The following COMP variants were observed in gnomAD, a reference collection of about 807,000 sequenced individuals.
COMP encodes cartilage oligomeric matrix protein (pseudoachondroplasia, epiphyseal dysplasia 1, multiple).
A neutral mutation model predicts 95.8 loss-of-function variants in COMP; 79 were observed. That is an observed-to-expected ratio of 0.82 (90% CI 0.69 to 0.99). COMP has a LOEUF of 0.99. Ranked by LOEUF, COMP falls within the 50% of genes least tolerant of loss-of-function variation. The pLI is 0.00. For missense variants in COMP, 906 were observed against 1,076.1 expected, an observed-to-expected ratio of 0.84 and a Z score of 2.21; for synonymous variants, 438 against 433.9, an observed-to-expected ratio of 1.01 and a Z score of -0.12.
Position 18,784,891 on chromosome 19 carries a change from G to A in COMP, c.1914+5C>T. On this transcript the variant is annotated splice_donor_5th_base_variant and intron_variant, in intron 16 of 18. Coordinates refer to ENST00000222271, the MANE Select transcript of COMP (RefSeq NM_000095.3). This position sits in a 1 kb window ranked among gnomAD's most constrained non-coding sequence, Gnocchi z 4.9. ...GCAGAGGTCAGGCACGGACGGCCCT[G>A]GCACCTTGAGTTGGATGCCAGGCTC... 6.2e-7 allele frequency: 1 copy of A among 1,613,664 alleles called. No individual in the cohort carries two copies. Among genetic ancestry groups the A allele is most frequent in the Non-Finnish European group, 8.5e-7 (1 of 1,179,948 alleles).
chr19:18,788,872 G>A lies in COMP; in HGVS notation c.570C>T (p.Asn190=). 1 of 1,614,004 alleles carries A rather than the reference G, an allele frequency of 6.2e-7. No individual in the cohort carries two copies. Among genetic ancestry groups the A allele is most frequent in the Non-Finnish European group, 8.5e-7 (1 of 1,180,000 alleles). ...TGATGCACACGGAGTTGGGGACGCA[G>A]TTATGTTGCCCGGTCTCACACTCGT... ...DINECETGQH[N]CVPNSVCINT... The change falls in exon 6 of 19, where the codon AAC becomes AAT. Residue 190 remains asparagine, a synonymous_variant. Transcript: ENST00000222271. The surrounding 1 kb of genome is among the most constrained non-coding windows in gnomAD (Gnocchi z 4.7).
chr19:18,788,761 G>A lies in COMP; in HGVS notation c.604-11C>T, dbSNP rs1421364257. On this transcript the variant is annotated splice_polypyrimidine_tract_variant and intron_variant, in intron 6 of 18. Transcript: ENST00000222271. This position sits in a 1 kb window ranked among gnomAD's most constrained non-coding sequence, Gnocchi z 4.7. ...GCACTGGAAGGAGCCCTGCGCCGGA[G>A]CCGCCGGAGGTCAGCGCAGGCCGCC... 6.3e-7 allele frequency: 1 copy of A among 1,587,970 alleles called. No homozygotes were observed. Among genetic ancestry groups the A allele is most frequent in the South Asian group, 1.1e-5 (1 of 88,454 alleles).
intron 17 of COMP, 85 bp from the exon 18 acceptor site, chr19:18,783,278 G>C: frequency 6.4e-7 from 1 of 1,554,036 alleles, no homozygotes; most frequent in African/African-American, 1.4e-5. Flanking sequence ...TGGAAGATGG[G>C]TACCCCTGAC....
rs2055188781 is a variant in COMP, at chr19:18,788,735, C to T, written c.619G>A (p.Gly207Ser). Residue 207 changes from glycine to serine, a missense_variant, in exon 7 of 19, where the codon GGC becomes AGC. By Grantham distance (56) the Gly-to-Ser change is moderately conservative. Transcript: ENST00000222271. This position sits in a 1 kb window ranked among gnomAD's most constrained non-coding sequence, Gnocchi z 4.7. ...CCCACGAAGCCGGGCTGGCACGGGC[C>T]GCACTGGAAGGAGCCCTGCGCCGGA... Reference protein sequence around the residue: ...CINTRGSFQCGPCQPGFVGDQ... With the variant: ...CINTRGSFQCSPCQPGFVGDQ... 4 of 1,555,454 alleles carry T rather than the reference C, an allele frequency of 2.6e-6. No homozygotes were observed. Among genetic ancestry groups the T allele is most frequent in the Non-Finnish European group, 3.5e-6 (4 of 1,150,420 alleles).
intron 15 of COMP, 38 bp downstream of exon 15, chr19:18,785,460 C>G (rs911339664): frequency 3.7e-6 from 6 of 1,611,936 alleles, no homozygotes; most frequent in South Asian, 1.1e-5. Flanking sequence ...TCCCTGAGCC[C>G]GCTCCGTGGC....
chr19:18,784,884 C>A lies in COMP; in HGVS notation c.1914+12G>T. 4.3e-6 allele frequency: 7 copies of A among 1,613,316 alleles called. No homozygotes were observed. The highest frequency in any genetic ancestry group is 5.9e-6 in the Non-Finnish European group (7 of 1,179,916). On this transcript the variant is annotated intron_variant, in intron 16 of 18. Coordinates refer to ENST00000222271, the MANE Select transcript of COMP (RefSeq NM_000095.3). The surrounding 1 kb of genome is among the most constrained non-coding windows in gnomAD (Gnocchi z 4.9). ...GAGGACCGCAGAGGTCAGGCACGGA[C>A]GGCCCTGGCACCTTGAGTTGGATGC...
rs927696355 is a variant in COMP, at chr19:18,789,045, C to A, written c.528+115G>T. On this transcript the variant is annotated intron_variant, in intron 5 of 18. Coordinates refer to ENST00000222271, the MANE Select transcript of COMP (RefSeq NM_000095.3). This position sits in a 1 kb window ranked among gnomAD's most constrained non-coding sequence, Gnocchi z 6.1. The stretch of plus-strand genomic sequence containing the variant: ...AACCGATCAGCCCTGGCGCAGCGGA[C>A]CCCTCCTCTCCCCACCCCTCCCGCT... 6.5e-6 allele frequency: 10 copies of A among 1,534,014 alleles called. No individual in the cohort carries two copies. Among genetic ancestry groups the A allele is most frequent in the South Asian group, 1.2e-5 (1 of 85,336 alleles).
Position 18,786,020 on chromosome 19 carries a change from A to C in COMP, c.1434T>G (p.Pro478=). 6.2e-7 allele frequency: 1 copy of C among 1,613,326 alleles called. No individual in the cohort carries two copies. Among genetic ancestry groups the C allele is most frequent in the Non-Finnish European group, 8.5e-7 (1 of 1,179,946 alleles). ...CDDDDDNDGV[P]DSRDNCRLVP... is the part of the protein sequence containing the mutation. ...CCAGGCGGCAGTTGTCCCGACTGTC[A>C]GGGACTCCGTCATTGTCGTCGTCGT... is the stretch of plus-strand genomic sequence containing the variant. The change falls in exon 13 of 19, where the codon CCT becomes CCG. Residue 478 remains proline (P), a synonymous_variant. Transcript: ENST00000222271.
In COMP at chr19:18,782,780, A is replaced by T; in HGVS notation, c.*135T>A. The T allele has an allele frequency of 9.8e-7, 1 of 1,022,500 alleles. No homozygotes were observed. Among genetic ancestry groups the T allele is most frequent in the Non-Finnish European group, 1.5e-6 (1 of 679,214 alleles). 63.3% of individuals were successfully genotyped at this position (1,022,500 alleles called of 1,614,324 possible). A position where few individuals can be genotyped will look rare whatever the true frequency, so the allele number is the denominator to read the frequency against. On this transcript the variant is annotated 3_prime_UTR_variant, in exon 19 of 19. Transcript: ENST00000222271. ...AAAAACCACAGCCGCCACTCCCTGC[A>T]CACACACTTTATTTTGTCCTCTCTG...
In COMP at chr19:18,789,437, G is replaced by A. The variant is rs1237389125; in HGVS notation, c.391-140C>T. The A allele has an allele frequency of 5.0e-6, 5 of 994,620 alleles. No individual in the cohort carries two copies. The highest frequency in any genetic ancestry group is 6.6e-4 in the Middle Eastern group (2 of 3,016). 61.6% of individuals were successfully genotyped at this position (994,620 alleles called of 1,614,324 possible). ...TCTGAGATGGAAGCAATTGTCGCAG[G>A]GGTCAGGCACGACTTTGCCTTGATG... On this transcript the variant is annotated intron_variant, in intron 4 of 18. Coordinates refer to ENST00000222271, the MANE Select transcript of COMP (RefSeq NM_000095.3). The surrounding 1 kb of genome is among the most constrained non-coding windows in gnomAD (Gnocchi z 6.1).
At chr19:18,787,390 C>A in intron 10 of COMP, 101 bp downstream of exon 10, 1 of 1,553,450 alleles carries the variant, frequency 6.4e-7, no homozygotes, top group South Asian at 1.1e-5. Context: ...TCCAGCTTAC[C>A]CCATCCGGCT....
intron 10 of COMP, among the ~76,000 whole-genome samples, chr19:18,787,202 T>C (rs895441821): frequency 6.6e-6 from 1 of 152,186 alleles, no homozygotes; most frequent in African/African-American, 2.4e-5. Context: ...ATCTGTAAAG[T>C]TGTCACCTCC....
intron 15 of COMP, 138 bp downstream of exon 15, chr19:18,785,360 C>T: frequency 8.7e-7 from 1 of 1,151,132 alleles, no homozygotes; most frequent in Non-Finnish European, 1.3e-6. Context: ...TATAACCCCG[C>T]CCCTCTGTCC....
chr19:18,783,857 G>A (rs2055144776), intron 17 of COMP, among the ~76,000 whole-genome samples: 2 of 152,056 alleles, frequency 1.3e-5, no homozygotes, highest in African/African-American at 2.4e-5. Context: ...TGATCCACCC[G>A]CCTCGGCCTC....
rs556814815 is a variant in COMP at position 18,790,255 on chromosome 19, G to C, written c.218-141C>G. 10 of 682,378 alleles carry C rather than the reference G, an allele frequency of 1.5e-5. No homozygotes were observed. The South Asian group carries it at 1.8e-4, about 12-fold the overall frequency. 42.3% of individuals were successfully genotyped at this position (682,378 alleles called of 1,614,324 possible). A position where few individuals can be genotyped will look rare whatever the true frequency, so the allele number is the denominator to read the frequency against. On this transcript the variant is annotated intron_variant, in intron 3 of 18. Coordinates refer to ENST00000222271, the MANE Select transcript of COMP (RefSeq NM_000095.3). ...CCGGGGCGGCCCGAAATCCTGCGCTGTCCGCGATCCCGCCCCAGAGGCTGC... is the reference window on the plus strand; with the variant it reads ...CCGGGGCGGCCCGAAATCCTGCGCTCTCCGCGATCCCGCCCCAGAGGCTGC...
Position 18,784,434 on chromosome 19 carries a change from G to A in COMP, c.1915-71C>T. Reference sequence around the variant, plus strand: ...GAGCCCCCCTAGACACCTTCCTGGAGAGACAGTTGGGAGCAGCAGGTGGTG... The same window carrying A: ...GAGCCCCCCTAGACACCTTCCTGGAAAGACAGTTGGGAGCAGCAGGTGGTG... On this transcript the variant is annotated intron_variant, in intron 16 of 18. Coordinates refer to ENST00000222271, the MANE Select transcript of COMP (RefSeq NM_000095.3). The surrounding 1 kb of genome is among the most constrained non-coding windows in gnomAD (Gnocchi z 4.9). 1.3e-6 allele frequency: 2 copies of A among 1,580,802 alleles called. No homozygotes were observed. The highest frequency in any genetic ancestry group is 1.7e-6 in the Non-Finnish European group (2 of 1,153,900).
intron 11 of COMP, 109 bp from the exon 12 acceptor site, chr19:18,786,400 A>T: frequency 6.4e-7 from 1 of 1,559,630 alleles, no homozygotes; most frequent in Non-Finnish European, 8.8e-7. Flanking sequence ...GGAAACCCCC[A>T]CCGCAGGCTG....
Position 18,789,604 on chromosome 19 carries a change from G to C in COMP, c.391-307C>G, listed in dbSNP as rs1248922440. ...CCCGGCGGTGGCGGGGGGTCTGGGC[G>C]TGCGTTCCCTGGCTGTGGAAGGGTC... On this transcript the variant is annotated intron_variant, in intron 4 of 18. Coordinates refer to ENST00000222271, the MANE Select transcript of COMP (RefSeq NM_000095.3). This position sits in a 1 kb window ranked among gnomAD's most constrained non-coding sequence, Gnocchi z 6.1. 6.6e-6 allele frequency among the ~76,000 whole-genome samples: 1 copy of C among 151,800 alleles called. No homozygotes were observed. Among genetic ancestry groups the C allele is most frequent in the African/African-American group, 2.4e-5 (1 of 41,270 alleles).
intron 3 of COMP, 106 bp from the exon 4 acceptor site, chr19:18,790,220 AC>A (rs963997434): frequency 1.1e-5 from 5 of 452,308 alleles, no homozygotes; most frequent in South Asian, 3.9e-5. Context: ...CTTCCCCCCC[AC>A]CCCCCGCCCC....
Sources: gnomAD v4.1 joint callset for allele counts (sites outside exome capture counted in the v4.1 genomes callset) on GRCh38, gnomAD v4.1.1 for gene constraint, Gnocchi (gnomAD v3.1) non-coding constraint, MANE v1.5 for transcripts, NCBI Gene and HGNC (gene_info 2026-07-23, HGNC 2026-07-21) for gene names.